KCNK13: variants seen among roughly 807,000 people sequenced by gnomAD.
KCNK13 encodes potassium two pore domain channel subfamily K member 13.
A neutral mutation model predicts 23.4 loss-of-function variants in KCNK13; 12 were observed. The observed-to-expected ratio is 0.51, with a 90% CI of 0.33 to 0.83. KCNK13 has a LOEUF of 0.83. KCNK13 is among the 40% of genes least tolerant of loss of function. The pLI is 0.02. For missense variants in KCNK13, 463 were observed against 556.3 expected (o/e 0.83, Z 1.69); for synonymous variants, 231 against 229.5 (o/e 1.01, Z -0.06).
intron 1 of KCNK13, among the ~76,000 whole-genome samples, chr14:90,129,330 T>C (rs1369291695): frequency 1.3e-5 from 2 of 152,170 alleles, no homozygotes; most frequent in Non-Finnish European, 2.9e-5. Flanking sequence ...TTGGCAGATG[T>C]CTCCTAGAGG....
chr14:90,095,316 A>T (rs772310958), intron 1 of KCNK13, among the ~76,000 whole-genome samples: 1 of 151,976 alleles, frequency 6.6e-6, no homozygotes, highest in Non-Finnish European at 1.5e-5. Context: ...CTAGGAAACT[A>T]AAAAAAATGT....
chr14:90,143,996 T>A (rs1421413772), intron 1 of KCNK13, among the ~76,000 whole-genome samples: 1 of 152,232 alleles, frequency 6.6e-6, no homozygotes, highest in Non-Finnish European at 1.5e-5. Flanking sequence ...AGCCCAAATT[T>A]AGTTTAACAG....
rs561370992 is a variant in KCNK13 at position 90,184,167 on chromosome 14, G to T, written c.391G>T (p.Gly131Cys). ...VGGKIFLIFYGLVGCSSTILF... is the reference protein window; with the variant it reads ...VGGKIFLIFYCLVGCSSTILF... The stretch of plus-strand genomic sequence containing the variant: ...AGGAAAAATCTTTCTGATCTTTTAC[G>T]GCCTTGTTGGGTGTTCCAGCACCAT... The change falls in exon 2 of 2, where the codon GGC (glycine) becomes TGC (cysteine). Residue 131 changes from glycine to cysteine, a missense_variant. Physicochemically the swap from Gly to Cys is radical, Grantham distance 159. This residue lies in a region of KCNK13 where 144 missense variants were observed against 224.0 expected (regional missense o/e 0.64). Coordinates refer to ENST00000282146, the MANE Select transcript of KCNK13 (RefSeq NM_022054.4). This position sits in a 1 kb window ranked among gnomAD's most constrained non-coding sequence, Gnocchi z 5.6. The T allele has an allele frequency of 3.7e-6, 6 of 1,614,136 alleles. No homozygotes were observed. In the Admixed American group the frequency reaches 8.3e-5, roughly 22 times the overall value.
rs750809313 is a variant in KCNK13 at position 90,184,460 on chromosome 14, C to T, written c.684C>T (p.Leu228=). Residue 228 remains leucine, a synonymous_variant, in exon 2 of 2, where the codon CTC becomes CTT. Transcript: ENST00000282146. The surrounding 1 kb of genome is among the most constrained non-coding windows in gnomAD (Gnocchi z 5.6). ...PIEGWSYFDS[L]YFCFVAFSTI... is the part of the protein sequence containing the mutation. ...AAGGCTGGAGCTACTTTGACTCACT[C>T]TACTTCTGTTTTGTGGCTTTCAGCA... 50 of 1,614,148 alleles carry T rather than the reference C, an allele frequency of 3.1e-5. No homozygotes were observed. The highest frequency in any genetic ancestry group is 4.2e-5 in the Non-Finnish European group (50 of 1,180,054).
At chr14:90,173,494 A>G (rs748495309) in intron 1 of KCNK13, among the ~76,000 whole-genome samples, 16 of 152,230 alleles carry the variant, frequency 1.1e-4, no homozygotes, top group Non-Finnish European at 1.8e-4. Context: ...GTATGTATCC[A>G]AGAGAAATAT....
chr14:90,068,012 C>T (rs1889028308), intron 1 of KCNK13, among the ~76,000 whole-genome samples: 2 of 152,128 alleles, frequency 1.3e-5, no homozygotes, highest in Non-Finnish European at 2.9e-5. Flanking sequence ...TGCTGCCGGG[C>T]GGTTGTCTCT....
At chr14:90,171,251 A>G (rs1890361459) in intron 1 of KCNK13, among the ~76,000 whole-genome samples, 1 of 152,194 alleles carries the variant, frequency 6.6e-6, no homozygotes, top group Admixed American at 6.5e-5. Flanking sequence ...AGGAGCCCCA[A>G]GGCACATGGG....
At chr14:90,103,438 T>A (rs1889505424) in intron 1 of KCNK13, among the ~76,000 whole-genome samples, 1 of 152,202 alleles carries the variant, frequency 6.6e-6, no homozygotes, top group Non-Finnish European at 1.5e-5. Context: ...CTCGCCAGCA[T>A]CTGTGGGATT....
chr14:90,156,129 C>T lies in KCNK13; in HGVS notation c.335-27982C>T, dbSNP rs114442475. Reference sequence around the variant, plus strand: ...TTGAGGTGGGAGGATCACTTGAGCCCGGTAGGTCGAGGCTGCAGTGAGCCA... The same window carrying T: ...TTGAGGTGGGAGGATCACTTGAGCCTGGTAGGTCGAGGCTGCAGTGAGCCA... On this transcript the variant is annotated intron_variant, in intron 1 of 1. Transcript: ENST00000282146. 1.8e-3 allele frequency among the ~76,000 whole-genome samples: 268 copies of T among 149,098 alleles called. 1 individual carries two copies. Among genetic ancestry groups the T allele is most frequent in the African/African-American group, 6.3e-3 (254 of 40,578 alleles).
At chr14:90,123,771 A>AT (rs1374466710) in intron 1 of KCNK13, among the ~76,000 whole-genome samples, 4 of 152,148 alleles carry the variant, frequency 2.6e-5, no homozygotes, top group African/African-American at 4.8e-5. Context: ...AGCTGGGACG[A>AT]TAGCCATGCA....
intron 1 of KCNK13, among the ~76,000 whole-genome samples, chr14:90,078,409 G>C (rs1596767612): frequency 1.4e-5 from 2 of 139,402 alleles, no homozygotes; most frequent in Admixed American, 1.5e-4. Context: ...GACAGAGCAA[G>C]ACAGTCTCAA....
chr14:90,092,621 T>G (rs186368048), intron 1 of KCNK13, among the ~76,000 whole-genome samples: 2 of 152,248 alleles, frequency 1.3e-5, no homozygotes, highest in Non-Finnish European at 2.9e-5. Flanking sequence ...GTGTTTTCAT[T>G]TCTCTGCCTT....
At chr14:90,074,952 A>T (rs1889117779) in intron 1 of KCNK13, among the ~76,000 whole-genome samples, 1 of 152,134 alleles carries the variant, frequency 6.6e-6, no homozygotes, top group African/African-American at 2.4e-5. Context: ...ATTAGCAGAT[A>T]CTTGCTGACT....
chr14:90,107,252 G>C (rs560022832), intron 1 of KCNK13, among the ~76,000 whole-genome samples: 1 of 152,164 alleles, frequency 6.6e-6, no homozygotes, highest in Admixed American at 6.5e-5. Context: ...GGCCAAGGTG[G>C]GCAGATCACG....
At chr14:90,070,877 G>T (rs189173098) in intron 1 of KCNK13, among the ~76,000 whole-genome samples, 2 of 152,296 alleles carry the variant, frequency 1.3e-5, no homozygotes, top group East Asian at 3.9e-4. Flanking sequence ...AGGATAGGGT[G>T]AGAGGGCCAT....
intron 1 of KCNK13, among the ~76,000 whole-genome samples, chr14:90,074,177 C>CCAGGCTGGT: frequency 6.6e-6 from 1 of 152,290 alleles, no homozygotes; most frequent in South Asian, 2.1e-4. Flanking sequence ...ACCATATTGG[C>CCAGGCTGGT]CAGGCTGGTC....
chr14:90,143,223 T>C (rs1256452012), intron 1 of KCNK13, among the ~76,000 whole-genome samples: 3 of 149,148 alleles, frequency 2.0e-5, no homozygotes, highest in Non-Finnish European at 3.0e-5. Flanking sequence ...TTTTTTTTTT[T>C]TTGAGACAGG....
intron 1 of KCNK13, among the ~76,000 whole-genome samples, chr14:90,151,408 G>A (rs1011574290): frequency 6.6e-6 from 1 of 152,064 alleles, no homozygotes; most frequent in African/African-American, 2.4e-5. Flanking sequence ...ATTTTTTCAT[G>A]TAACTCTTGG....
At chr14:90,136,044 A>G (rs1464464093) in intron 1 of KCNK13, among the ~76,000 whole-genome samples, 1 of 152,120 alleles carries the variant, frequency 6.6e-6, no homozygotes, top group Non-Finnish European at 1.5e-5. Context: ...GGGCAGCAGT[A>G]TGGTGGACAA....
Sources: allele counts gnomAD v4.1 joint callset (sites outside exome capture counted in the v4.1 genomes callset), GRCh38; gene constraint gnomAD v4.1.1; regional missense constraint gnomAD v4.1.1; non-coding constraint Gnocchi (gnomAD v3.1); transcripts MANE v1.5; gene names NCBI Gene and HGNC (gene_info 2026-07-23, HGNC 2026-07-21).